GTF2F2: variants seen among roughly 807,000 people sequenced by gnomAD.
GTF2F2 encodes general transcription factor IIF subunit 2, also known as ATP-dependent helicase GTF2F2.
Under a neutral mutation model 42.2 loss-of-function variants are expected in GTF2F2, and 23 were observed. The observed-to-expected ratio is 0.55, with a 90% CI of 0.39 to 0.77. The LOEUF is 0.77. GTF2F2 is among the 30% of genes least tolerant of loss of function. The pLI, the probability that GTF2F2 is intolerant of heterozygous loss-of-function variation, is 0.00. For synonymous variants in GTF2F2, 105 were observed against 100.8 expected (o/e 1.04, Z -0.25); for missense variants, 261 against 287.2 (o/e 0.91, Z 0.66).
In GTF2F2 at chr13:45,188,796, A is replaced by C. The variant is rs1437657400; in HGVS notation, c.305-18628A>C. ...TCCTAATATGTCAGTTCTGTGGATT[A>C]TACAGTCATAAAAAGTTAACCTATT... On this transcript the variant is annotated intron_variant, in intron 4 of 7. Transcript: ENST00000340473. Among the ~76,000 whole-genome samples, 6 of 152,154 alleles carry C rather than the reference A, an allele frequency of 3.9e-5. No homozygotes were observed. In the South Asian group the frequency reaches 1.0e-3, roughly 26 times the overall value.
chr13:45,143,412 CT>C (rs1870030127), intron 2 of GTF2F2, among the ~76,000 whole-genome samples: 1 of 152,186 alleles, frequency 6.6e-6, no homozygotes, highest in Non-Finnish European at 1.5e-5. Context: ...AGCTATGTGA[CT>C]TTGCGTAAAT....
chr13:45,284,069 A>G lies in GTF2F2; in HGVS notation c.*508A>G, dbSNP rs1877374287. ...ACAGGTGATCACGTTTCGTGTTCAT[A>G]CTCAACGTTAATAAAAGGAGAGAGT... On this transcript the variant is annotated 3_prime_UTR_variant, in exon 8 of 8. Coordinates refer to ENST00000340473, the MANE Select transcript of GTF2F2 (RefSeq NM_004128.3). The G allele has an allele frequency of 6.6e-6, 1 of 152,230 alleles. No homozygotes were observed. Among genetic ancestry groups the G allele is most frequent in the Admixed American group, 6.5e-5 (1 of 15,284 alleles). 9.4% of individuals were successfully genotyped at this position (152,230 alleles called of 1,614,324 possible). A position where few individuals can be genotyped will look rare whatever the true frequency, so the allele number is the denominator to read the frequency against.
intron 4 of GTF2F2, among the ~76,000 whole-genome samples, chr13:45,188,042 A>G (rs1872496503): frequency 4.6e-5 from 7 of 152,112 alleles, no homozygotes; most frequent in Admixed American, 4.6e-4. Flanking sequence ...AGTAGCTCAG[A>G]TTACAGGCAC....
chr13:45,260,252 T>A (rs1215732283), intron 6 of GTF2F2, among the ~76,000 whole-genome samples: 1 of 152,230 alleles, frequency 6.6e-6, no homozygotes. Context: ...TGAATTTTCC[T>A]AAATAAAAAG....
chr13:45,144,389 T>G (rs997057897), intron 2 of GTF2F2, among the ~76,000 whole-genome samples: 1 of 152,100 alleles, frequency 6.6e-6, no homozygotes, highest in South Asian at 2.1e-4. Flanking sequence ...TTGATAATCA[T>G]GTAGCCTGTA....
intron 6 of GTF2F2, among the ~76,000 whole-genome samples, chr13:45,258,598 A>G (rs2138254222): frequency 6.6e-6 from 1 of 152,352 alleles, no homozygotes; most frequent in African/African-American, 2.4e-5. Flanking sequence ...TATTGCTGAT[A>G]CAAAGCTATC....
intron 5 of GTF2F2, among the ~76,000 whole-genome samples, chr13:45,225,633 A>T (rs1874312280): frequency 6.7e-6 from 1 of 150,122 alleles, no homozygotes; most frequent in Non-Finnish European, 1.5e-5. Context: ...AAAAAAAAAG[A>T]ATAGCCTTGG....
intron 5 of GTF2F2, among the ~76,000 whole-genome samples, chr13:45,250,776 G>A (rs764538869): frequency 1.6e-4 from 25 of 152,052 alleles, no homozygotes; most frequent in Non-Finnish European, 3.2e-4. Context: ...AGAGGCCATC[G>A]AAGAATCATT....
chr13:45,209,184 T>C (rs1051230068), intron 5 of GTF2F2, among the ~76,000 whole-genome samples: 4 of 152,252 alleles, frequency 2.6e-5, no homozygotes, highest in African/African-American at 7.2e-5. Context: ...TCATGCACTA[T>C]ATAAGGACAT....
chr13:45,255,374 G>T (rs867658026), intron 6 of GTF2F2, among the ~76,000 whole-genome samples: 1 of 152,124 alleles, frequency 6.6e-6, no homozygotes. Flanking sequence ...GTGTGAACTG[G>T]AGTGCACATG....
chr13:45,207,140 CT>C, intron 4 of GTF2F2: 1 of 297,804 alleles, frequency 3.4e-6, no homozygotes, highest in Non-Finnish European at 6.3e-6. Context: ...ATTTTATGCC[CT>C]TTTAAGCTAC....
chr13:45,233,424 A>G (rs1874790330), intron 5 of GTF2F2, among the ~76,000 whole-genome samples: 1 of 152,172 alleles, frequency 6.6e-6, no homozygotes, highest in Non-Finnish European at 1.5e-5. Flanking sequence ...TCCGATATGT[A>G]TGTTTCATTT....
intron 1 of GTF2F2, among the ~76,000 whole-genome samples, chr13:45,130,470 T>C (rs1566108403): frequency 6.6e-6 from 1 of 152,220 alleles, no homozygotes; most frequent in Non-Finnish European, 1.5e-5. Flanking sequence ...TTCTGGCTGC[T>C]TTATTGAGAA....
At chr13:45,241,266 G>T (rs1196635356) in intron 5 of GTF2F2, among the ~76,000 whole-genome samples, 3 of 151,698 alleles carry the variant, frequency 2.0e-5, no homozygotes, top group South Asian at 2.1e-4. Flanking sequence ...TTCCTACAGG[G>T]TGATAAACAG....
At chr13:45,208,464 A>C (rs1451236428) in intron 5 of GTF2F2, among the ~76,000 whole-genome samples, 2 of 152,180 alleles carry the variant, frequency 1.3e-5, no homozygotes, top group South Asian at 2.1e-4. Context: ...TCATTCATTC[A>C]GTACTTACTG....
chr13:45,140,342 T>G (rs1056829552), intron 2 of GTF2F2, among the ~76,000 whole-genome samples: 2 of 152,234 alleles, frequency 1.3e-5, no homozygotes, highest in Non-Finnish European at 2.9e-5. Context: ...TCTCGTTTTC[T>G]CAAGGAATGA....
At chr13:45,129,396 G>A (rs1056251311) in intron 1 of GTF2F2, among the ~76,000 whole-genome samples, 2 of 152,124 alleles carry the variant, frequency 1.3e-5, no homozygotes, top group African/African-American at 4.8e-5. Context: ...TTTTTGTAGA[G>A]TTGGGGTTTT....
intron 6 of GTF2F2, among the ~76,000 whole-genome samples, chr13:45,258,914 T>A (rs1876211014): frequency 6.6e-6 from 1 of 152,172 alleles, no homozygotes; most frequent in African/African-American, 2.4e-5. Flanking sequence ...CCCTCCAACT[T>A]TGAATCCAAG....
intron 1 of GTF2F2, among the ~76,000 whole-genome samples, chr13:45,123,573 G>C (rs1338352257): frequency 6.6e-6 from 1 of 151,196 alleles, no homozygotes; most frequent in African/African-American, 2.4e-5. Context: ...AGGCTGCAGT[G>C]AGCTGAGATC....
Sources: gnomAD v4.1 joint callset for allele counts (sites outside exome capture counted in the v4.1 genomes callset) on GRCh38, gnomAD v4.1.1 for gene constraint, MANE v1.5 for transcripts, NCBI Gene and HGNC (gene_info 2026-07-23, HGNC 2026-07-21) for gene names.